SETX: variants seen among roughly 807,000 people sequenced by gnomAD.
SETX encodes the protein senataxin.
Under a neutral mutation model 227.2 loss-of-function variants are expected in SETX, and 90 were observed. That is an observed-to-expected ratio of 0.40 (90% CI 0.33 to 0.47). The LOEUF (loss-of-function observed/expected upper bound fraction) is 0.47, where lower values mean the gene tolerates loss of function less well. Ranked by LOEUF, SETX falls within the 20% of genes least tolerant of loss-of-function variation. The pLI is 0.91. For synonymous variants in SETX, 1,210 were observed against 1,113.2 expected, an observed-to-expected ratio of 1.09 and a Z score of -1.73; for missense variants, 3,052 against 3,181.5, an observed-to-expected ratio of 0.96 and a Z score of 0.98.
intron 5 of SETX, among the ~76,000 whole-genome samples, chr9:132,341,546 G>T (rs1847963367): frequency 1.3e-5 from 2 of 152,104 alleles, no homozygotes; most frequent in African/African-American, 2.4e-5. Context: ...GCAGCTCAGG[G>T]CTCCCAACCT....
intron 12 of SETX, among the ~76,000 whole-genome samples, chr9:132,300,350 C>G (rs1042580595): frequency 6.6e-6 from 1 of 152,036 alleles, no homozygotes; most frequent in Admixed American, 6.6e-5. Flanking sequence ...TGTAATTTAA[C>G]AAACAACAGA....
chr9:132,283,240 T>C, intron 19 of SETX, 24 bp downstream of exon 19: 1 of 1,613,690 alleles, frequency 6.2e-7, no homozygotes, highest in Non-Finnish European at 8.5e-7. Flanking sequence ...GTAGTCAAAG[T>C]TGTATGGCTG....
chr9:132,269,720 A>T lies in SETX; in HGVS notation c.7200-18T>A. The stretch of plus-strand genomic sequence containing the variant: ...CCAGGAATCTAGGCAATAAAAAAAG[A>T]GTTCCTTCTTTGTCTAGAATGACTT... On this transcript the variant is annotated intron_variant, in intron 24 of 25. Transcript: ENST00000224140. The T allele has an allele frequency of 1.9e-6, 3 of 1,612,376 alleles. No homozygotes were observed. Among genetic ancestry groups the T allele is most frequent in the Non-Finnish European group, 2.5e-6 (3 of 1,178,440 alleles).
In SETX at chr9:132,331,554, T is replaced by C. The variant is rs184538628; in HGVS notation, c.839-106A>G. The C allele has an allele frequency of 6.9e-4, 860 of 1,245,958 alleles. 2 individuals are homozygous for C. The African/African-American group carries it at 0.011, about 15-fold the overall frequency. 77.2% of individuals were successfully genotyped at this position (1,245,958 alleles called of 1,614,324 possible). ...TTTATCTGGTGAGTAGCAACCCAAC[T>C]AAAAGCCAAGGAGCAAATAATTTAA... On this transcript the variant is annotated intron_variant, in intron 7 of 25. Coordinates refer to ENST00000224140, the MANE Select transcript of SETX (RefSeq NM_015046.7).
At chr9:132,302,808 T>C (rs577043178) in intron 11 of SETX, among the ~76,000 whole-genome samples, 40 of 152,134 alleles carry the variant, frequency 2.6e-4, no homozygotes, top group Admixed American at 1.8e-3. Flanking sequence ...AATTTCAGTA[T>C]TTTTTATAAA....
In SETX at chr9:132,280,116, C is replaced by T. The variant is rs1052306843; in HGVS notation, c.6654+1351G>A. Among the ~76,000 whole-genome samples the T allele has an allele frequency of 5.3e-5, 8 of 151,996 alleles. 1 individual carries two copies. Among genetic ancestry groups the T allele is most frequent in the African/African-American group, 1.7e-4 (7 of 41,352 alleles). On this transcript the variant is annotated intron_variant, in intron 20 of 25. Coordinates refer to ENST00000224140, the MANE Select transcript of SETX (RefSeq NM_015046.7). Reference sequence around the variant, plus strand: ...CTCAATATATACATACTGAAAAAGACGAATAAACACACAAATGCCTAGCAA... The same window carrying T: ...CTCAATATATACATACTGAAAAAGATGAATAAACACACAAATGCCTAGCAA...
At chr9:132,325,172 T>G in intron 10 of SETX, among the ~76,000 whole-genome samples, 1 of 151,978 alleles carries the variant, frequency 6.6e-6, no homozygotes, top group South Asian at 2.1e-4. Flanking sequence ...CTGGCTAACA[T>G]GGTGAAACCC....
chr9:132,266,543 G>A (rs1380362624), intron 25 of SETX, among the ~76,000 whole-genome samples: 3 of 152,150 alleles, frequency 2.0e-5, no homozygotes, highest in Non-Finnish European at 2.9e-5. Context: ...AGGCTGAGGC[G>A]GGCGGATCAC....
Position 132,288,659 on chromosome 9 carries a change from T to C in SETX, c.6107-8A>G, listed in dbSNP as rs1225346507. On this transcript the variant is annotated splice_polypyrimidine_tract_variant and splice_region_variant and intron_variant, in intron 15 of 25. Transcript: ENST00000224140. ...TTATATCTCCACAGTTTCCTGTTGA[T>C]AAGAATCACAGTTAAGGACTAATAA... The C allele has an allele frequency of 6.3e-7, 1 of 1,584,270 alleles. No individual in the cohort carries two copies. Among genetic ancestry groups the C allele is most frequent in the African/African-American group, 1.3e-5 (1 of 74,462 alleles).
intron 25 of SETX, among the ~76,000 whole-genome samples, chr9:132,267,880 G>A (rs1377298933): frequency 6.6e-6 from 1 of 152,178 alleles, no homozygotes; most frequent in Non-Finnish European, 1.5e-5. Flanking sequence ...AGAGTGCACT[G>A]CCAAGACACA....
In SETX at chr9:132,264,282, A is replaced by G. The variant is rs143798689; in HGVS notation, c.7991T>C (p.Leu2664Pro). ...CTTGGAACTGCTGTCCTCCTGCTCCAGTGTCCTCTTGTCCCACCTAGAGTT... is the reference window on the plus strand; with the variant it reads ...CTTGGAACTGCTGTCCTCCTGCTCCGGTGTCCTCTTGTCCCACCTAGAGTT... ...RRNSRWDKRT[L>P]EQEDSSSKKR... Residue 2664 changes from leucine to proline, a missense_variant, in exon 26 of 26, where the codon CTG becomes CCG. By Grantham distance (98) the Leu-to-Pro change is moderately conservative. This residue lies in a region of SETX where 294 missense variants were observed against 278.8 expected (regional missense o/e 1.05). Coordinates refer to ENST00000224140, the MANE Select transcript of SETX (RefSeq NM_015046.7). 3.2e-5 allele frequency: 52 copies of G among 1,614,076 alleles called. No individual in the cohort carries two copies. The African/African-American group carries it at 6.4e-4, about 20-fold the overall frequency.
At chr9:132,332,509 T>C (rs570247454) in intron 7 of SETX, among the ~76,000 whole-genome samples, 1 of 152,342 alleles carries the variant, frequency 6.6e-6, no homozygotes, top group South Asian at 2.1e-4. Flanking sequence ...TGAACTTTCT[T>C]ATATATGTTT....
Position 132,264,709 on chromosome 9 carries a change from CAGTAAG to C in SETX, c.7558_7563del (p.Leu2520_Thr2521del). On this transcript the variant is annotated inframe_deletion, in exon 26 of 26. Coordinates refer to ENST00000224140, the MANE Select transcript of SETX (RefSeq NM_015046.7). The stretch of plus-strand genomic sequence containing the variant: ...GGTCTTTCAGGGTCCTTTGAAGTAA[CAGTAAG>C]AGTAATTTCCTTGGAGTCAGAGGGT... 12 of 1,614,178 alleles carry C rather than the reference CAGTAAG, an allele frequency of 7.4e-6. No homozygotes were observed. Among genetic ancestry groups the C allele is most frequent in the Non-Finnish European group, 1.0e-5 (12 of 1,180,034 alleles).
chr9:132,273,514 A>C (rs28836821), intron 23 of SETX, among the ~76,000 whole-genome samples: 14,374 of 152,292 alleles, frequency 0.094, 758 homozygotes, highest in South Asian at 0.15. Context: ...TTTTCAGCGT[A>C]CAAGTCTTAT....
intron 11 of SETX, among the ~76,000 whole-genome samples, chr9:132,304,747 AG>A (rs1439664826): frequency 6.6e-6 from 1 of 152,114 alleles, no homozygotes; most frequent in Non-Finnish European, 1.5e-5. Flanking sequence ...CCTGTAATTT[AG>A]GCACTTTGTG....
intron 7 of SETX, 37 bp downstream of exon 7, chr9:132,334,571 C>A: frequency 6.2e-7 from 1 of 1,611,156 alleles, no homozygotes; most frequent in Non-Finnish European, 8.5e-7. Flanking sequence ...ATCATCATCA[C>A]TATATTCAAC....
At chr9:132,280,011 CACCATAAGGGCAGGGATTTTGTCTGTT>C (rs1843408046) in intron 20 of SETX, among the ~76,000 whole-genome samples, 5 of 152,196 alleles carry the variant, frequency 3.3e-5, no homozygotes, top group Admixed American at 3.3e-4. Flanking sequence ...AGAATACAAA[CACCATAAGGGCAGGGATTTTGTCTGTT>C]TTCTTCACTG....
chr9:132,283,469 C>T (rs1589638135), intron 18 of SETX, 56 bp from the exon 19 acceptor site: 3 of 1,591,500 alleles, frequency 1.9e-6, no homozygotes, highest in East Asian at 4.5e-5. Context: ...TTGACTATGA[C>T]AGGCCTATGT....
chr9:132,314,844 G>C (rs894321993), intron 10 of SETX, among the ~76,000 whole-genome samples: 1 of 147,266 alleles, frequency 6.8e-6, no homozygotes, highest in Non-Finnish European at 1.5e-5. Context: ...TCTTTTTTGT[G>C]TGTGTGACCC....
Sources: allele counts gnomAD v4.1 joint callset (sites outside exome capture counted in the v4.1 genomes callset), GRCh38; gene constraint gnomAD v4.1.1; regional missense constraint gnomAD v4.1.1; transcripts MANE v1.5; gene names NCBI Gene and HGNC (gene_info 2026-07-23, HGNC 2026-07-21).